The following SACS variants were observed in gnomAD, a reference collection of about 807,000 sequenced individuals.
The protein encoded by SACS is sacsin molecular chaperone, also known as sacsin.
A neutral mutation model predicts 348.0 loss-of-function variants in SACS; 197 were observed. That is an observed-to-expected ratio of 0.57 (90% CI 0.50 to 0.64). The LOEUF (loss-of-function observed/expected upper bound fraction) is 0.64, where lower values mean the gene tolerates loss of function less well. SACS is among the 30% of genes least tolerant of loss of function. The pLI, the probability that SACS is intolerant of heterozygous loss-of-function variation, is 0.00. For synonymous variants in SACS, 1,985 were observed against 1,910.6 expected, an observed-to-expected ratio of 1.04 and a Z score of -1.02; for missense variants, 4,999 against 5,360.8, an observed-to-expected ratio of 0.93 and a Z score of 2.11.
At position 23,333,665 on chromosome 13, in the gene SACS, A is replaced by G. The variant is rs1883635637; in HGVS notation, c.10211T>C (p.Ile3404Thr). The G allele has an allele frequency of 6.2e-7, 1 of 1,613,846 alleles. No homozygotes were observed. The highest frequency in any genetic ancestry group is 8.5e-7 in the Non-Finnish European group (1 of 1,179,790). ...GCACGGAAGTGACTTTAGAATTTTTATATCATCTTGGGACATCAAATGATT... is the reference window on the plus strand; with the variant it reads ...GCACGGAAGTGACTTTAGAATTTTTGTATCATCTTGGGACATCAAATGATT... ...NLNHLMSQDD[I>T]KILKSLPCYK... Residue 3404 changes from isoleucine (I) to threonine (T), a missense_variant, in exon 10 of 10, where the codon ATA (isoleucine) becomes ACA (threonine). Coordinates refer to ENST00000382292, the MANE Select transcript of SACS (RefSeq NM_014363.6).
chr13:23,351,916 T>G (rs1402790710), intron 9 of SACS, among the ~76,000 whole-genome samples: 1 of 152,160 alleles, frequency 6.6e-6, no homozygotes, highest in African/African-American at 2.4e-5. Flanking sequence ...GAATCCATAG[T>G]AGAGAAAATG....
At chr13:23,365,815 C>G (rs1566086550) in intron 5 of SACS, among the ~76,000 whole-genome samples, 1 of 152,166 alleles carries the variant, frequency 6.6e-6, no homozygotes, top group African/African-American at 2.4e-5. Context: ...CTGCACTAAA[C>G]TGAAAGCTTC....
At chr13:23,394,818 G>A (rs552218955) in intron 2 of SACS, among the ~76,000 whole-genome samples, 2 of 152,316 alleles carry the variant, frequency 1.3e-5, no homozygotes, top group East Asian at 1.9e-4. Context: ...TCGCGCACCT[G>A]CACTCCAGAC....
At chr13:23,396,323 CAAA>C (rs61118133) in intron 2 of SACS, among the ~76,000 whole-genome samples, 8 of 110,762 alleles carry the variant, frequency 7.2e-5, no homozygotes, top group Non-Finnish European at 3.9e-5. Flanking sequence ...GAATCTGTCT[CAAA>C]AAAAAAAAAA....
chr13:23,394,299 C>A (rs1345004001), intron 2 of SACS, among the ~76,000 whole-genome samples: 1 of 152,148 alleles, frequency 6.6e-6, no homozygotes, highest in Non-Finnish European at 1.5e-5. Context: ...GCAAGACTCC[C>A]CTACCTTTAA....
rs767085163 is a variant in SACS at position 23,338,240 on chromosome 13, T to C, written c.5636A>G (p.Lys1879Arg). 1.2e-5 allele frequency: 20 copies of C among 1,614,148 alleles called. No homozygotes were observed. The highest frequency in any genetic ancestry group is 3.3e-5 in the South Asian group (3 of 91,078). The change falls in exon 10 of 10, where the codon AAA (lysine) becomes AGA (arginine). Residue 1879 changes from lysine (K) to arginine (R), a missense_variant. Physicochemically the swap from Lys to Arg is conservative, Grantham distance 26 (BLOSUM62 2). Coordinates refer to ENST00000382292, the MANE Select transcript of SACS (RefSeq NM_014363.6). ...ATTGATATGAACTGGCAAGCCTGTT[T>C]TTATTCGTAAAGGTAAATAGCAAAA... ...EVFCYLPLRIKTGLPVHINGC... is the reference protein window; with the variant it reads ...EVFCYLPLRIRTGLPVHINGC...
Position 23,333,566 on chromosome 13 carries a change from G to A in SACS, c.10310C>T (p.Pro3437Leu). ...GTCYVLTKSI[P>L]SAEVEKWTQS... ...TGTCCATTTCTCCACTTCAGCTGAAGGGATACTTTTTGTAAGTACGTAGCA... is the reference window on the plus strand; with the variant it reads ...TGTCCATTTCTCCACTTCAGCTGAAAGGATACTTTTTGTAAGTACGTAGCA... Residue 3437 changes from proline (P) to leucine (L), a missense_variant, in exon 10 of 10, where the codon CCT becomes CTT. Pro to Leu is a moderately conservative substitution (Grantham distance 98, BLOSUM62 -3). Around this residue, in one of 6 missense-constraint regions of SACS, gnomAD observed 734 missense variants for 694.0 expected, o/e 1.06. Coordinates refer to ENST00000382292, the MANE Select transcript of SACS (RefSeq NM_014363.6). 1 of 1,613,614 alleles carries A rather than the reference G, an allele frequency of 6.2e-7. No homozygotes were observed. The highest frequency in any genetic ancestry group is 1.7e-5 in the Admixed American group (1 of 59,998).
intron 2 of SACS, among the ~76,000 whole-genome samples, chr13:23,391,965 GCAGAC>G (rs1872542194): frequency 6.6e-6 from 1 of 152,156 alleles, no homozygotes; most frequent in East Asian, 1.9e-4. Flanking sequence ...GTCACCTTTT[GCAGAC>G]CAGATGCAGA....
intron 3 of SACS, among the ~76,000 whole-genome samples, chr13:23,372,995 A>C (rs976167787): frequency 3.3e-5 from 5 of 152,104 alleles, no homozygotes; most frequent in Non-Finnish European, 2.9e-5. Flanking sequence ...CCCCAATCCC[A>C]AACAGTCAAC....
chr13:23,403,293 G>A (rs1384687482), intron 2 of SACS, among the ~76,000 whole-genome samples: 3 of 152,152 alleles, frequency 2.0e-5, no homozygotes, highest in Non-Finnish European at 2.9e-5. Context: ...AGTTAGGGAG[G>A]AGTCCCTCTT....
intron 2 of SACS, among the ~76,000 whole-genome samples, chr13:23,396,878 T>C (rs954645622): frequency 1.3e-5 from 2 of 152,198 alleles, no homozygotes; most frequent in Non-Finnish European, 2.9e-5. Context: ...TACTAAGTAA[T>C]AGACATTCAT....
chr13:23,417,712 G>A (rs1427100100), intron 1 of SACS, among the ~76,000 whole-genome samples: 1 of 152,130 alleles, frequency 6.6e-6, no homozygotes, highest in African/African-American at 2.4e-5. Context: ...TGGCTTCAGG[G>A]TAAATAAGAA....
At chr13:23,349,890 C>A (rs1869844446) in intron 9 of SACS, among the ~76,000 whole-genome samples, 1 of 152,160 alleles carries the variant, frequency 6.6e-6, no homozygotes. Context: ...TGCTACACTA[C>A]CTCTCTGAAG....
At chr13:23,418,527 C>T (rs1873777272) in intron 1 of SACS, among the ~76,000 whole-genome samples, 1 of 151,828 alleles carries the variant, frequency 6.6e-6, no homozygotes, top group South Asian at 2.1e-4. Flanking sequence ...TTTTACCTTA[C>T]ATGGAGTCTT....
intron 1 of SACS, among the ~76,000 whole-genome samples, chr13:23,431,089 TG>T (rs544606497): frequency 6.6e-6 from 1 of 152,236 alleles, no homozygotes; most frequent in Non-Finnish European, 1.5e-5. Context: ...ATCTGCAAAA[TG>T]GGGCTGCCTG....
intron 2 of SACS, among the ~76,000 whole-genome samples, chr13:23,402,180 A>T (rs921655100): frequency 8.1e-6 from 1 of 123,372 alleles, no homozygotes; most frequent in African/African-American, 2.6e-5. Flanking sequence ...TCCATCTCGA[A>T]AAAAAAAAAA....
At chr13:23,405,410 G>A (rs1039422359) in intron 2 of SACS, among the ~76,000 whole-genome samples, 2 of 152,152 alleles carry the variant, frequency 1.3e-5, no homozygotes, top group African/African-American at 4.8e-5. Context: ...ATTAACTCAA[G>A]ATGGATTAAA....
In SACS at chr13:23,337,489, C is replaced by T. The variant is rs141341126; in HGVS notation, c.6387G>A (p.Gly2129=). The T allele has an allele frequency of 3.7e-6, 6 of 1,613,576 alleles. No individual in the cohort carries two copies. The African/African-American group carries it at 8.0e-5, about 22-fold the overall frequency. ...RVAKLFDIKD[G]RFPYGSTQDY... is the part of the protein sequence containing the mutation. ...CCTGAGTAGAACCATAAGGGAATCTCCCATCTTTAATATCAAATAACTTTG... is the reference window on the plus strand; with the variant it reads ...CCTGAGTAGAACCATAAGGGAATCTTCCATCTTTAATATCAAATAACTTTG... The change falls in exon 10 of 10, where the codon GGG becomes GGA. Residue 2129 remains glycine (G), a synonymous_variant. Transcript: ENST00000382292.
At chr13:23,432,995 T>C (rs570738927) in intron 1 of SACS, among the ~76,000 whole-genome samples, 2 of 152,358 alleles carry the variant, frequency 1.3e-5, no homozygotes, top group East Asian at 3.9e-4. Context: ...GGAATACTCT[T>C]TCAAAGAATC....
Sources: allele counts gnomAD v4.1 joint callset (sites outside exome capture counted in the v4.1 genomes callset), GRCh38; gene constraint gnomAD v4.1.1; regional missense constraint gnomAD v4.1.1; transcripts MANE v1.5; gene names NCBI Gene and HGNC (gene_info 2026-07-23, HGNC 2026-07-21).